Variants in EIF2B3 observed in about 807,000 individuals in gnomAD.
EIF2B3 encodes translation initiation factor eIF2B subunit gamma.
EIF2B3 carries 20 observed loss-of-function variants against 54.1 expected under a neutral mutation model. The observed-to-expected ratio is 0.37, with a 90% CI of 0.26 to 0.54. EIF2B3 has a LOEUF of 0.54. EIF2B3 is among the 20% of genes least tolerant of loss of function. The pLI is 0.86. For missense variants in EIF2B3, 448 were observed against 547.8 expected (o/e 0.82, Z 1.82); for synonymous variants, 153 against 188.1 (o/e 0.81, Z 1.52).
At chr1:44,880,937 G>C (rs1483318131) in intron 7 of EIF2B3, among the ~76,000 whole-genome samples, 1 of 151,768 alleles carries the variant, frequency 6.6e-6, no homozygotes, top group Non-Finnish European at 1.5e-5. Context: ...CTCCAGCCTG[G>C]GCGACAGAGG....
At chr1:44,967,055 C>T (rs1410681861) in intron 3 of EIF2B3, among the ~76,000 whole-genome samples, 1 of 151,616 alleles carries the variant, frequency 6.6e-6, no homozygotes. Context: ...ACCTCGTGAT[C>T]TGCCTGCCTC....
Position 44,981,238 on chromosome 1 carries a change from C to T in EIF2B3, c.-9-61G>A, listed in dbSNP as rs16832371. Reference sequence around the variant, plus strand: ...ACAATGTAACAAAAATCAAAGCACACATACTACTAGCCTATTTTTATTTAG... The same window carrying T: ...ACAATGTAACAAAAATCAAAGCACATATACTACTAGCCTATTTTTATTTAG... On this transcript the variant is annotated intron_variant, in intron 1 of 11. Coordinates refer to ENST00000360403, the MANE Select transcript of EIF2B3 (RefSeq NM_020365.5). 2.7e-3 allele frequency: 4,151 copies of T among 1,561,132 alleles called. 104 individuals carry two copies. In the African/African-American group the frequency reaches 0.052, roughly 19 times the overall value.
chr1:44,898,798 T>C (rs1237479324), intron 5 of EIF2B3, among the ~76,000 whole-genome samples: 1 of 152,132 alleles, frequency 6.6e-6, no homozygotes, highest in African/African-American at 2.4e-5. Context: ...GCTCAAGTGA[T>C]CCTCCTGCCT....
intron 8 of EIF2B3, among the ~76,000 whole-genome samples, chr1:44,876,812 G>C (rs1327834746): frequency 6.9e-6 from 1 of 145,790 alleles, no homozygotes; most frequent in Non-Finnish European, 1.5e-5. Flanking sequence ...TGTGTAGAGA[G>C]AAGTAGACAT....
chr1:44,951,432 T>C (rs1644159368), intron 3 of EIF2B3, among the ~76,000 whole-genome samples: 1 of 150,854 alleles, frequency 6.6e-6, no homozygotes, highest in African/African-American at 2.5e-5. Context: ...CACTGATTTA[T>C]AGCACCCTAA....
intron 4 of EIF2B3, 77 bp from the exon 5 acceptor site, chr1:44,926,816 A>G: frequency 8.3e-7 from 1 of 1,204,446 alleles, no homozygotes; most frequent in Non-Finnish European, 1.2e-6. Context: ...GGAACACAGT[A>G]TCTGCTCAGT....
chr1:44,921,254 G>A (rs2148929041), intron 5 of EIF2B3, among the ~76,000 whole-genome samples: 1 of 152,270 alleles, frequency 6.6e-6, no homozygotes, highest in Non-Finnish European at 1.5e-5. Context: ...TTCTCCTATA[G>A]AGTTGTTTGA....
At chr1:44,877,492 A>G (rs982297672) in intron 8 of EIF2B3, among the ~76,000 whole-genome samples, 6 of 152,142 alleles carry the variant, frequency 3.9e-5, no homozygotes, top group African/African-American at 1.4e-4. Context: ...TGATCAGGTC[A>G]AGGAACACCC....
chr1:44,937,273 G>A (rs1643958753), intron 4 of EIF2B3: 1 of 152,234 alleles, frequency 6.6e-6, no homozygotes, highest in African/African-American at 2.4e-5. Context: ...TGGGGGGCAA[G>A]AAGAGCTGCC....
At chr1:44,855,228 G>T (rs1200167323) in intron 11 of EIF2B3, among the ~76,000 whole-genome samples, 1 of 152,138 alleles carries the variant, frequency 6.6e-6, no homozygotes, top group African/African-American at 2.4e-5. Context: ...TGGTGGGGTT[G>T]TCCAGTTTAG....
At chr1:44,864,355 A>G (rs1425358397) in intron 10 of EIF2B3, among the ~76,000 whole-genome samples, 2 of 152,138 alleles carry the variant, frequency 1.3e-5, no homozygotes, top group East Asian at 3.9e-4. Flanking sequence ...ACCTGTGGTC[A>G]GGAGTTCAAG....
At chr1:44,910,617 C>T (rs1217024978) in intron 5 of EIF2B3, among the ~76,000 whole-genome samples, 1 of 149,994 alleles carries the variant, frequency 6.7e-6, no homozygotes, top group Non-Finnish European at 1.5e-5. Context: ...CCCTCCCCAC[C>T]CCCCCAAGTA....
rs637224 is a variant in EIF2B3 at position 44,958,837 on chromosome 1, G to T, written c.295-17172C>A. 4.1e-6 allele frequency: 4 copies of T among 984,230 alleles called. No individual in the cohort carries two copies. In the African/African-American group the frequency reaches 4.8e-5, roughly 12 times the overall value. The allele number at this position is 984,230 out of a possible 1,614,324, so 61.0% of individuals were successfully genotyped here. On this transcript the variant is annotated intron_variant, in intron 3 of 11. Coordinates refer to ENST00000360403, the MANE Select transcript of EIF2B3 (RefSeq NM_020365.5). ...TTGGACGTTAGCTCCTGAGCAGTGG[G>T]CTTCTGGACATATCAGGTACATCAG...
At chr1:44,929,141 T>TA (rs1643876769) in intron 4 of EIF2B3, among the ~76,000 whole-genome samples, 1 of 152,186 alleles carries the variant, frequency 6.6e-6, no homozygotes, top group Admixed American at 6.5e-5. Context: ...TTAAACAAAA[T>TA]ACACCCTCTA....
At chr1:44,852,985 G>A (rs1654322408) in intron 11 of EIF2B3, among the ~76,000 whole-genome samples, 1 of 152,156 alleles carries the variant, frequency 6.6e-6, no homozygotes, top group African/African-American at 2.4e-5. Flanking sequence ...AGGGAATCAT[G>A]AAGCCGGAGA....
rs264022 is a variant in EIF2B3, at chr1:44,980,787, T to C, written c.148+234A>G. ...GTCTCAATCTGCTCTTTCTGATATC[T>C]TTACAGAGTTCGTCTTGGATCATTG... On this transcript the variant is annotated intron_variant, in intron 2 of 11. Transcript: ENST00000360403. Among the ~76,000 whole-genome samples, 47,041 of 151,858 alleles carry C rather than the reference T, an allele frequency of 0.31. 8,143 individuals are homozygous for C. Among genetic ancestry groups the C allele is most frequent in the African/African-American group, 0.45 (18,562 of 41,384 alleles).
chr1:44,895,524 C>A lies in EIF2B3; in HGVS notation c.656+1831G>T, dbSNP rs141750808. Among the ~76,000 whole-genome samples the A allele has an allele frequency of 5.1e-3, 773 of 151,454 alleles. 21 individuals are homozygous for A. The highest frequency in any genetic ancestry group is 0.037 in the East Asian group (190 of 5,164). ...ATTTAAAAAAAGCCTCTCTCTCTCT[C>A]TCTCTATATATATATATGTACATAT... On this transcript the variant is annotated intron_variant, in intron 6 of 11. Transcript: ENST00000360403.
intron 3 of EIF2B3, chr1:44,959,397 C>A: frequency 1.9e-6 from 1 of 522,696 alleles, no homozygotes; most frequent in South Asian, 2.0e-5. Context: ...AGAATTTGAG[C>A]CAGGCATGGT....
intron 5 of EIF2B3, among the ~76,000 whole-genome samples, chr1:44,918,950 T>C (rs1368880067): frequency 6.6e-6 from 1 of 152,220 alleles, no homozygotes; most frequent in Non-Finnish European, 1.5e-5. Flanking sequence ...ACTCTTTTAT[T>C]CCCTCATGCT....
Sources: allele counts gnomAD v4.1 joint callset (sites outside exome capture counted in the v4.1 genomes callset), GRCh38; gene constraint gnomAD v4.1.1; transcripts MANE v1.5; gene names NCBI Gene and HGNC (gene_info 2026-07-23, HGNC 2026-07-21).